The following SLC23A2 variants were observed in gnomAD, a reference collection of about 807,000 sequenced individuals.
SLC23A2 encodes the protein solute carrier family 23 member 2.
In SLC23A2, 36 loss-of-function variants were observed where a neutral mutation model predicts 73.3. That is an observed-to-expected ratio of 0.49 (90% confidence interval 0.38 to 0.65). SLC23A2 has a LOEUF of 0.65. SLC23A2 is among the 30% of genes least tolerant of loss of function. The pLI is 0.00. For missense variants in SLC23A2, 507 were observed against 841.6 expected (o/e 0.60, Z 4.92); for synonymous variants, 343 against 327.3 (o/e 1.05, Z -0.52).
intron 1 of SLC23A2, among the ~76,000 whole-genome samples, chr20:4,990,538 A>AT (rs906251685): frequency 6.2e-4 from 88 of 140,906 alleles, no homozygotes; most frequent in South Asian, 3.0e-3. Context: ...CAACCAGCTA[A>AT]TTTTTTTTTT....
chr20:4,869,571 G>A lies in SLC23A2; in HGVS notation c.1250+335C>T, dbSNP rs561023999. 4.8e-5 allele frequency: 11 copies of A among 228,866 alleles called. No individual in the cohort carries two copies. In the East Asian group the frequency reaches 1.1e-3, roughly 23 times the overall value. The allele number at this position is 228,866 out of a possible 1,614,324, so 14.2% of individuals were successfully genotyped here. ...CACACACACACACACCCCAAAAAAA[G>A]CAAAGAACAAGTGCAGTGCTTGGCA... is the stretch of plus-strand genomic sequence containing the variant. On this transcript the variant is annotated intron_variant, in intron 12 of 16. Transcript: ENST00000338244.
intron 6 of SLC23A2, among the ~76,000 whole-genome samples, chr20:4,888,685 C>T (rs906535402): frequency 2.6e-5 from 4 of 152,184 alleles, no homozygotes; most frequent in Non-Finnish European, 5.9e-5. Flanking sequence ...CTCCTTCATA[C>T]GAGTTCATCT....
chr20:5,006,970 TGTGTGTGC>T (rs2088198942), intron 1 of SLC23A2, among the ~76,000 whole-genome samples: 2 of 150,856 alleles, frequency 1.3e-5, no homozygotes, highest in African/African-American at 4.9e-5. Flanking sequence ...TGTGTGTGTG[TGTGTGTGC>T]GTGCGTGCGT....
At chr20:4,993,993 A>T (rs1251447244) in intron 1 of SLC23A2, among the ~76,000 whole-genome samples, 10 of 152,132 alleles carry the variant, frequency 6.6e-5, no homozygotes, top group Admixed American at 5.9e-4. Flanking sequence ...AAGAGGCTGA[A>T]GTGGGAGGAT....
intron 3 of SLC23A2, among the ~76,000 whole-genome samples, chr20:4,917,837 T>C (rs896320802): frequency 6.6e-6 from 1 of 152,218 alleles, no homozygotes; most frequent in African/African-American, 2.4e-5. Context: ...GGCTCGTCTC[T>C]GATCTATTTA....
chr20:4,955,186 T>G (rs2087264812), intron 2 of SLC23A2, among the ~76,000 whole-genome samples: 1 of 151,966 alleles, frequency 6.6e-6, no homozygotes, highest in Non-Finnish European at 1.5e-5. Flanking sequence ...TCCATGAGTT[T>G]GAGGCTGCAG....
At chr20:4,961,230 T>C (rs909902169) in intron 2 of SLC23A2, among the ~76,000 whole-genome samples, 11 of 151,714 alleles carry the variant, frequency 7.3e-5, no homozygotes, top group Admixed American at 1.3e-4. Flanking sequence ...TATAGGCACG[T>C]GTCACCATGC....
At chr20:4,922,835 A>T (rs910210427) in intron 3 of SLC23A2, among the ~76,000 whole-genome samples, 1 of 136,628 alleles carries the variant, frequency 7.3e-6, no homozygotes, top group African/African-American at 2.5e-5. Context: ...GTCTTTAAAA[A>T]AAAAAAAGCA....
intron 3 of SLC23A2, among the ~76,000 whole-genome samples, chr20:4,922,843 G>GCGCA (rs1932540965): frequency 6.9e-6 from 1 of 145,748 alleles, no homozygotes; most frequent in Admixed American, 6.9e-5. Flanking sequence ...AAAAAAAAAA[G>GCGCA]CACACACACA....
chr20:4,937,724 A>T (rs1448967558), intron 2 of SLC23A2, among the ~76,000 whole-genome samples: 1 of 152,154 alleles, frequency 6.6e-6, no homozygotes, highest in Non-Finnish European at 1.5e-5. Context: ...AAGACATAAA[A>T]CTGCCCTTTA....
At chr20:4,953,721 T>G (rs982345413) in intron 2 of SLC23A2, among the ~76,000 whole-genome samples, 4 of 152,074 alleles carry the variant, frequency 2.6e-5, no homozygotes, top group Non-Finnish European at 5.9e-5. Context: ...AAACCCCATC[T>G]CTACTAAAAA....
upstream of SLC23A2, among the ~76,000 whole-genome samples, chr20:5,006,111 T>G (rs2088188294): frequency 6.6e-6 from 1 of 152,188 alleles, no homozygotes; most frequent in Admixed American, 6.6e-5. Flanking sequence ...TTTGTTTTGT[T>G]TTTTGAGATG....
intron 3 of SLC23A2, among the ~76,000 whole-genome samples, chr20:4,917,429 A>G (rs529037397): frequency 4.6e-5 from 7 of 152,282 alleles, no homozygotes; most frequent in Non-Finnish European, 1.5e-5. Flanking sequence ...ATCACAGCAC[A>G]GCAGGGGGCA....
chr20:4,899,424 G>T lies in SLC23A2; in HGVS notation c.482+131C>A. 1 of 1,014,814 alleles carries T rather than the reference G, an allele frequency of 9.9e-7. No individual in the cohort carries two copies. The highest frequency in any genetic ancestry group is 1.5e-6 in the Non-Finnish European group (1 of 667,140). 62.9% of individuals were successfully genotyped at this position (1,014,814 alleles called of 1,614,324 possible). On this transcript the variant is annotated intron_variant, in intron 6 of 16. Transcript: ENST00000338244. This position sits in a 1 kb window ranked among gnomAD's most constrained non-coding sequence, Gnocchi z 4.9. ...GGAACACTGAGGGGTGGGGACCAAC[G>T]GCCACTAGGACATTCCCGTGCCTCC...
rs1209837020 is a variant in SLC23A2, at chr20:4,852,598, T to TA, written c.*4373dup. ...ATACCCTCGGTAATCAAAATAAAAA[T>TA]AAAAAACAAACAAAACCCCAGAAAG... On this transcript the variant is annotated 3_prime_UTR_variant, in exon 17 of 17. Coordinates refer to ENST00000338244, the MANE Select transcript of SLC23A2 (RefSeq NM_005116.6). The surrounding 1 kb of genome is among the most constrained non-coding windows in gnomAD (Gnocchi z 4.3). 12 of 151,574 alleles carry TA rather than the reference T, an allele frequency of 7.9e-5. No individual in the cohort carries two copies. The highest frequency in any genetic ancestry group is 2.9e-4 in the African/African-American group (12 of 41,090). 9.4% of individuals were successfully genotyped at this position (151,574 alleles called of 1,614,324 possible). A position where few individuals can be genotyped will look rare whatever the true frequency, so the allele number is the denominator to read the frequency against.
At chr20:4,930,597 T>C (rs1011862012) in intron 3 of SLC23A2, among the ~76,000 whole-genome samples, 4 of 152,208 alleles carry the variant, frequency 2.6e-5, no homozygotes, top group Admixed American at 6.5e-5. Flanking sequence ...GGCAGGTGGA[T>C]CACCTGAGGT....
chr20:4,890,524 G>A (rs1215494618), intron 6 of SLC23A2, among the ~76,000 whole-genome samples: 1 of 152,012 alleles, frequency 6.6e-6, no homozygotes, highest in African/African-American at 2.4e-5. Flanking sequence ...ATGGTGGCAG[G>A]TACCTATATC....
chr20:4,873,916 C>G lies in SLC23A2; in HGVS notation c.1102+20G>C, dbSNP rs368921267. The G allele has an allele frequency of 1.9e-6, 3 of 1,606,564 alleles. No homozygotes were observed. The highest frequency in any genetic ancestry group is 1.7e-6 in the Non-Finnish European group (2 of 1,176,300). ...GGGCCCTCGTGGGCTCTTGACCCCT[C>G]TAGCCATCAGAATACTTACATGGGT... On this transcript the variant is annotated intron_variant, in intron 11 of 16. Coordinates refer to ENST00000338244, the MANE Select transcript of SLC23A2 (RefSeq NM_005116.6).
chr20:4,931,246 G>T (rs1164789104), intron 3 of SLC23A2, among the ~76,000 whole-genome samples: 1 of 151,992 alleles, frequency 6.6e-6, no homozygotes, highest in Non-Finnish European at 1.5e-5. Flanking sequence ...TTGGGAGGCT[G>T]TGGTGGGAGG....
Sources: gnomAD v4.1 joint callset for allele counts (sites outside exome capture counted in the v4.1 genomes callset) on GRCh38, gnomAD v4.1.1 for gene constraint, Gnocchi (gnomAD v3.1) non-coding constraint, MANE v1.5 for transcripts, NCBI Gene and HGNC (gene_info 2026-07-23, HGNC 2026-07-21) for gene names.